Variants in ITSN2 observed in about 807,000 individuals in gnomAD.
The protein encoded by ITSN2 is intersectin-2.
Under a neutral mutation model 243.7 loss-of-function variants are expected in ITSN2, and 156 were observed. The ratio of observed to expected loss-of-function variants is 0.64; its 90% confidence interval spans 0.56 to 0.73. The LOEUF is 0.73. ITSN2 is among the 30% of genes least tolerant of loss of function. The pLI is 0.00. For missense variants in ITSN2, 1,801 were observed against 1,996.1 expected (o/e 0.90, Z 1.86); for synonymous variants, 703 against 699.9 (o/e 1.00, Z -0.07).
intron 32 of ITSN2, among the ~76,000 whole-genome samples, chr2:24,213,592 G>A (rs1268712501): frequency 6.6e-6 from 1 of 152,120 alleles, no homozygotes; most frequent in Non-Finnish European, 1.5e-5. Context: ...TAACATTTTA[G>A]AACACAGCTT....
At chr2:24,253,728 C>T (rs1674660177) in intron 24 of ITSN2, among the ~76,000 whole-genome samples, 1 of 152,180 alleles carries the variant, frequency 6.6e-6, no homozygotes, top group Non-Finnish European at 1.5e-5. Flanking sequence ...GTAACAGATA[C>T]TGAATAAATT....
chr2:24,345,204 G>A (rs930283381), intron 1 of ITSN2, among the ~76,000 whole-genome samples: 12 of 152,236 alleles, frequency 7.9e-5, no homozygotes, highest in Admixed American at 7.2e-4. Flanking sequence ...GGATAGTGTG[G>A]TTCTATAGGA....
chr2:24,253,163 T>A (rs1021085806), intron 24 of ITSN2, among the ~76,000 whole-genome samples: 2 of 152,242 alleles, frequency 1.3e-5, no homozygotes, highest in African/African-American at 4.8e-5. Flanking sequence ...AAACAGTTGG[T>A]GACTTGGTTT....
intron 15 of ITSN2, among the ~76,000 whole-genome samples, chr2:24,289,145 T>A (rs929728898): frequency 2.0e-5 from 3 of 152,238 alleles, no homozygotes; most frequent in African/African-American, 7.2e-5. Flanking sequence ...CTTTTTCTAT[T>A]TCTGTGAAAA....
At chr2:24,232,294 T>C (rs899388280) in intron 29 of ITSN2, among the ~76,000 whole-genome samples, 5 of 152,210 alleles carry the variant, frequency 3.3e-5, no homozygotes, top group Non-Finnish European at 5.9e-5. Flanking sequence ...ATAGTCATAT[T>C]CTAGAATTTC....
Position 24,295,845 on chromosome 2 carries a change from T to G in ITSN2, c.1495-41A>C, listed in dbSNP as rs1007920669. 3.0e-6 allele frequency: 4 copies of G among 1,343,212 alleles called. No individual in the cohort carries two copies. The East Asian group carries it at 8.3e-5, about 28-fold the overall frequency. 83.2% of individuals were successfully genotyped at this position (1,343,212 alleles called of 1,614,324 possible). A position where few individuals can be genotyped will look rare whatever the true frequency, so the allele number is the denominator to read the frequency against. On this transcript the variant is annotated intron_variant, in intron 13 of 39. Transcript: ENST00000355123. ...ATAAATATATAGTAACATAAAATGC[T>G]AATAGAAAATGTTTCTACAAGGAGA...
chr2:24,320,343 C>A (rs908101194), intron 2 of ITSN2, among the ~76,000 whole-genome samples: 1 of 150,952 alleles, frequency 6.6e-6, no homozygotes, highest in Non-Finnish European at 1.5e-5. Flanking sequence ...CAAGGTGAAA[C>A]CCCGTCTCTA....
intron 29 of ITSN2, among the ~76,000 whole-genome samples, chr2:24,236,182 C>T (rs1457246164): frequency 6.6e-6 from 1 of 152,178 alleles, no homozygotes; most frequent in African/African-American, 2.4e-5. Context: ...GAATGATGTA[C>T]AGCTACATGC....
intron 37 of ITSN2, among the ~76,000 whole-genome samples, chr2:24,207,191 A>G (rs886769098): frequency 4.6e-5 from 7 of 152,178 alleles, no homozygotes; most frequent in Non-Finnish European, 1.0e-4. Context: ...AATGAAGAGG[A>G]TGGGTGGCAG....
intron 13 of ITSN2, among the ~76,000 whole-genome samples, chr2:24,296,163 C>A (rs1011346790): frequency 6.6e-6 from 1 of 152,170 alleles, no homozygotes; most frequent in Non-Finnish European, 1.5e-5. Flanking sequence ...ATGTGATGCT[C>A]GGCATTACCT....
At chr2:24,213,045 C>T (rs1423776402) in intron 32 of ITSN2, among the ~76,000 whole-genome samples, 1 of 152,082 alleles carries the variant, frequency 6.6e-6, no homozygotes, top group Non-Finnish European at 1.5e-5. Context: ...CTATTAGGTT[C>T]ACAGTAGGAA....
intron 23 of ITSN2, among the ~76,000 whole-genome samples, chr2:24,254,745 G>A (rs1460957119): frequency 1.3e-5 from 2 of 152,002 alleles, no homozygotes; most frequent in Non-Finnish European, 2.9e-5. Context: ...TAAGTGGTAA[G>A]CACATATAGG....
At position 24,209,223 on chromosome 2, in the gene ITSN2, T is replaced by C. The variant is rs769573566; in HGVS notation, c.4474-2A>G. On this transcript the variant is annotated splice_acceptor_variant, in intron 35 of 39. Coordinates refer to ENST00000355123, the MANE Select transcript of ITSN2 (RefSeq NM_006277.3). LOFTEE classifies it high-confidence loss of function. ...CAAGACTTCATTCAGGAAAATGGGCTGAAAGAATTAGGGCCAAAACACAGG... is the reference window on the plus strand; with the variant it reads ...CAAGACTTCATTCAGGAAAATGGGCCGAAAGAATTAGGGCCAAAACACAGG... The C allele has an allele frequency of 1.9e-6, 3 of 1,614,002 alleles. No individual in the cohort carries two copies. Among genetic ancestry groups the C allele is most frequent in the South Asian group, 2.2e-5 (2 of 91,064 alleles).
intron 20 of ITSN2, among the ~76,000 whole-genome samples, chr2:24,267,080 T>C (rs1413724878): frequency 1.3e-5 from 2 of 152,188 alleles, no homozygotes; most frequent in African/African-American, 4.8e-5. Flanking sequence ...TTTAAATGTA[T>C]TGTCTTGGAC....
At chr2:24,229,255 A>T (rs1440751233) in intron 29 of ITSN2, among the ~76,000 whole-genome samples, 1 of 152,232 alleles carries the variant, frequency 6.6e-6, no homozygotes, top group African/African-American at 2.4e-5. Context: ...CAAGGTTAAC[A>T]TATGAACACA....
At position 24,287,905 on chromosome 2, in the gene ITSN2, G is replaced by C. The variant is rs577950432; in HGVS notation, c.1724-1554C>G. Among the ~76,000 whole-genome samples the C allele has an allele frequency of 3.9e-5, 6 of 152,128 alleles. No individual in the cohort carries two copies. In the South Asian group the frequency reaches 1.2e-3, roughly 32 times the overall value. On this transcript the variant is annotated intron_variant, in intron 15 of 39. Coordinates refer to ENST00000355123, the MANE Select transcript of ITSN2 (RefSeq NM_006277.3). ...TGAAATTGGGTTGTTTTTTGGTATT[G>C]AGTTATATATATTCCTTGTATTTTG...
chr2:24,313,620 T>TA, intron 3 of ITSN2, 97 bp from the exon 4 acceptor site: 1 of 729,652 alleles, frequency 1.4e-6, no homozygotes, highest in Non-Finnish European at 2.2e-6. Flanking sequence ...TGATTTATTA[T>TA]AATTTTAATA....
chr2:24,273,140 T>C (rs945554238), intron 18 of ITSN2, among the ~76,000 whole-genome samples: 3 of 152,216 alleles, frequency 2.0e-5, no homozygotes, highest in African/African-American at 7.2e-5. Flanking sequence ...AAATCCTGGA[T>C]AATTCAAAAT....
chr2:24,360,660 G>A (rs1353136964), upstream of ITSN2: 1 of 152,292 alleles, frequency 6.6e-6, no homozygotes, highest in Non-Finnish European at 1.5e-5. Flanking sequence ...CTCGCCCCAG[G>A]AGTTCCGGGG....
Sources: gnomAD v4.1 joint callset for allele counts (sites outside exome capture counted in the v4.1 genomes callset) on GRCh38, gnomAD v4.1.1 for gene constraint, MANE v1.5 for transcripts, NCBI Gene and HGNC (gene_info 2026-07-23, HGNC 2026-07-21) for gene names.